The following SLIT3 variants were observed in gnomAD, a reference collection of about 807,000 sequenced individuals.
SLIT3 encodes slit guidance ligand 3, also known as slit homolog 3 protein.
Under a neutral mutation model 184.0 loss-of-function variants are expected in SLIT3, and 68 were observed. The observed-to-expected ratio is 0.37, with a 90% CI of 0.30 to 0.45. SLIT3 has a LOEUF of 0.45. SLIT3 is among the 20% of genes least tolerant of loss of function. The probability of loss-of-function intolerance (pLI) is 1.00; values close to 1 mark genes in which losing one functional copy is unlikely to be tolerated. For missense variants in SLIT3, 1,707 were observed against 2,026.0 expected (o/e 0.84, Z 3.02); for synonymous variants, 831 against 828.6 (o/e 1.00, Z -0.05).
At chr5:168,756,453 T>G (rs1454870942) in intron 16 of SLIT3, among the ~76,000 whole-genome samples, 1 of 152,228 alleles carries the variant, frequency 6.6e-6, no homozygotes, top group African/African-American at 2.4e-5. Flanking sequence ...CCCTCCTTAC[T>G]CCTTGGCATG....
chr5:169,014,658 G>A (rs753394248), intron 4 of SLIT3, among the ~76,000 whole-genome samples: 14 of 152,192 alleles, frequency 9.2e-5, no homozygotes, highest in Non-Finnish European at 1.8e-4. Context: ...GGAGCATTAA[G>A]AAGCAACCTC....
chr5:169,225,470 G>A (rs781744951), intron 3 of SLIT3, among the ~76,000 whole-genome samples: 4 of 152,180 alleles, frequency 2.6e-5, no homozygotes, highest in South Asian at 2.1e-4. Flanking sequence ...TGTGGGTTCC[G>A]GCCAGGCACG....
intron 4 of SLIT3, among the ~76,000 whole-genome samples, chr5:169,028,771 A>C (rs1756925364): frequency 6.6e-6 from 1 of 152,224 alleles, no homozygotes; most frequent in Admixed American, 6.5e-5. Flanking sequence ...CCAGAGGTTT[A>C]AGTATTTTTT....
At chr5:168,723,325 C>T (rs1157669143) in intron 21 of SLIT3, among the ~76,000 whole-genome samples, 1 of 151,702 alleles carries the variant, frequency 6.6e-6, no homozygotes, top group Non-Finnish European at 1.5e-5. Context: ...TCCATCCCAC[C>T]CTCCCTTCCT....
chr5:169,181,945 G>A (rs750057884), intron 4 of SLIT3, among the ~76,000 whole-genome samples: 3 of 152,090 alleles, frequency 2.0e-5, no homozygotes, highest in Non-Finnish European at 4.4e-5. Flanking sequence ...CTGGAGAAAC[G>A]TTGGCATGAT....
At chr5:169,270,951 G>T (rs749733993) in intron 1 of SLIT3, among the ~76,000 whole-genome samples, 3 of 152,104 alleles carry the variant, frequency 2.0e-5, no homozygotes, top group South Asian at 2.1e-4. Flanking sequence ...CATGTCAAAC[G>T]GCTAGGACAA....
intron 9 of SLIT3, among the ~76,000 whole-genome samples, chr5:168,804,332 A>AAACAG (rs1756883398): frequency 6.6e-6 from 1 of 150,662 alleles, no homozygotes; most frequent in Non-Finnish European, 1.5e-5. Flanking sequence ...AAAAAAAAAA[A>AAACAG]AAAAAAAGAT....
chr5:168,994,414 C>A (rs934326263), intron 4 of SLIT3, among the ~76,000 whole-genome samples: 8 of 151,962 alleles, frequency 5.3e-5, no homozygotes, highest in Non-Finnish European at 7.4e-5. Context: ...CTTGCTCATA[C>A]CCCATAAAGG....
chr5:168,986,198 A>G (rs1278178613), intron 4 of SLIT3, among the ~76,000 whole-genome samples: 2 of 152,174 alleles, frequency 1.3e-5, no homozygotes, highest in African/African-American at 4.8e-5. Flanking sequence ...ATTCCCTGAC[A>G]GTGCTAGATG....
intron 4 of SLIT3, among the ~76,000 whole-genome samples, chr5:169,192,079 A>G (rs911194427): frequency 6.6e-6 from 1 of 152,158 alleles, no homozygotes; most frequent in Non-Finnish European, 1.5e-5. Flanking sequence ...AAGGCAGGGG[A>G]TGTTACAAAC....
At chr5:169,292,008 C>T (rs1767373361) in intron 1 of SLIT3, among the ~76,000 whole-genome samples, 1 of 152,184 alleles carries the variant, frequency 6.6e-6, no homozygotes, top group Admixed American at 6.5e-5. Context: ...CAATAAATGC[C>T]AGCTATTGTT....
intron 4 of SLIT3, among the ~76,000 whole-genome samples, chr5:169,153,688 G>A (rs1324147821): frequency 1.3e-5 from 2 of 152,244 alleles, no homozygotes; most frequent in African/African-American, 4.8e-5. Flanking sequence ...TTATCTCTTG[G>A]GCAGAGGGGA....
intron 32 of SLIT3, among the ~76,000 whole-genome samples, chr5:168,679,169 C>T (rs1761504371): frequency 6.6e-6 from 1 of 152,204 alleles, no homozygotes. Flanking sequence ...AGTGATCCTC[C>T]TGCCTCAGCC....
intron 9 of SLIT3, among the ~76,000 whole-genome samples, chr5:168,802,998 A>T (rs1756823548): frequency 6.7e-6 from 1 of 149,422 alleles, no homozygotes; most frequent in South Asian, 2.1e-4. Flanking sequence ...TCCACAGTCT[A>T]TACTCTTAAC....
At chr5:168,906,290 T>C (rs1427135952) in intron 4 of SLIT3, among the ~76,000 whole-genome samples, 1 of 152,228 alleles carries the variant, frequency 6.6e-6, no homozygotes, top group African/African-American at 2.4e-5. Flanking sequence ...TGCCTTTGTG[T>C]TGCCCATTGT....
At chr5:169,241,446 G>A (rs144424819) in intron 3 of SLIT3, among the ~76,000 whole-genome samples, 8 of 152,146 alleles carry the variant, frequency 5.3e-5, no homozygotes, top group Non-Finnish European at 1.0e-4. Flanking sequence ...TTTGTTGTAG[G>A]GCCGTCCTGT....
At chr5:168,799,253 C>T (rs1428430156) in intron 9 of SLIT3, among the ~76,000 whole-genome samples, 1 of 152,170 alleles carries the variant, frequency 6.6e-6, no homozygotes, top group Non-Finnish European at 1.5e-5. Context: ...ATGGAAAGGA[C>T]AAAAAGAAGC....
intron 4 of SLIT3, among the ~76,000 whole-genome samples, chr5:169,122,271 G>A (rs562974920): frequency 1.0e-3 from 155 of 152,214 alleles, no homozygotes; most frequent in African/African-American, 3.6e-3. Flanking sequence ...CCACACTCTC[G>A]AGAGGAGAAC....
rs1761018365 is a variant in SLIT3 at position 168,665,890 on chromosome 5, C to T, written c.*564G>A. On this transcript the variant is annotated 3_prime_UTR_variant, in exon 36 of 36. Transcript: ENST00000519560. ...ACTGGGCATTTTGGGCACTGACATCCAGGACTCCGAAAAGCTGGGTAATTT... is the reference window on the plus strand; with the variant it reads ...ACTGGGCATTTTGGGCACTGACATCTAGGACTCCGAAAAGCTGGGTAATTT... The T allele has an allele frequency of 6.6e-6, 1 of 152,094 alleles. No individual in the cohort carries two copies. 9.4% of individuals were successfully genotyped at this position (152,094 alleles called of 1,614,324 possible).
Sources: gnomAD v4.1 joint callset for allele counts (sites outside exome capture counted in the v4.1 genomes callset) on GRCh38, gnomAD v4.1.1 for gene constraint, MANE v1.5 for transcripts, NCBI Gene and HGNC (gene_info 2026-07-23, HGNC 2026-07-21) for gene names.